Variants in PRKCB observed in about 807,000 individuals in gnomAD.
The protein encoded by PRKCB is protein kinase C beta type.
PRKCB carries 13 observed loss-of-function variants against 81.5 expected under a neutral mutation model. The observed-to-expected ratio is 0.16, with a 90% CI of 0.10 to 0.25. The LOEUF is 0.25. Among genes scored for constraint, PRKCB ranks in the 10% least tolerant of loss-of-function variants. The probability of loss-of-function intolerance (pLI) is 1.00; values close to 1 mark genes in which losing one functional copy is unlikely to be tolerated. For synonymous variants in PRKCB, 335 were observed against 321.4 expected, an observed-to-expected ratio of 1.04 and a Z score of -0.45; for missense variants, 509 against 875.7, an observed-to-expected ratio of 0.58 and a Z score of 5.29.
chr16:24,114,799 A>C (rs1966717435), intron 8 of PRKCB, among the ~76,000 whole-genome samples: 1 of 152,212 alleles, frequency 6.6e-6, no homozygotes, highest in South Asian at 2.1e-4. Context: ...ATAATAGCAT[A>C]GCTAAAATGA....
chr16:23,933,926 TTCA>T (rs1964019380), intron 2 of PRKCB, among the ~76,000 whole-genome samples: 5 of 118,282 alleles, frequency 4.2e-5, no homozygotes, highest in East Asian at 2.5e-4. Flanking sequence ...CATCCTTCCA[TTCA>T]TCCATCCATC....
At chr16:23,868,988 A>G (rs116765840) in intron 2 of PRKCB, 6,564 of 378,148 alleles carry the variant, frequency 0.017, 399 homozygotes, top group African/African-American at 0.13. Context: ...ATGCCGAAAT[A>G]GAAGTGAGGC....
Position 24,124,008 on chromosome 16 carries a change from T to G in PRKCB, c.1065+27T>G, listed in dbSNP as rs757243180. 3.7e-6 allele frequency: 6 copies of G among 1,613,046 alleles called. No homozygotes were observed. In the African/African-American group the frequency reaches 8.0e-5, roughly 22 times the overall value. The stretch of plus-strand genomic sequence containing the variant: ...TATGGTATGATTTGGTGGCTCCACC[T>G]GCTTTGGAAGGAACATCTAACAACA... On this transcript the variant is annotated intron_variant, in intron 9 of 16. Coordinates refer to ENST00000643927, the MANE Select transcript of PRKCB (RefSeq NM_002738.7).
intron 2 of PRKCB, among the ~76,000 whole-genome samples, chr16:23,847,356 CTAT>C (rs1567288238): frequency 3.8e-4 from 26 of 67,678 alleles, no homozygotes; most frequent in Admixed American, 1.0e-3. Flanking sequence ...ATCTATCTAT[CTAT>C]CTATCTATCT....
rs146329530 is a variant in PRKCB, at chr16:24,028,393, A to G, written c.289-3743A>G. On this transcript the variant is annotated intron_variant, in intron 3 of 16. Transcript: ENST00000643927. Reference sequence around the variant, plus strand: ...CATGAGCCACTGCTCCAGGCCACAAATTCACTTTTAAAAATATAAAGTAAA... The same window carrying G: ...CATGAGCCACTGCTCCAGGCCACAAGTTCACTTTTAAAAATATAAAGTAAA... 1.7e-3 allele frequency among the ~76,000 whole-genome samples: 263 copies of G among 152,320 alleles called. 1 individual carries two copies. The highest frequency in any genetic ancestry group is 5.9e-3 in the African/African-American group (246 of 41,584).
At chr16:24,151,228 A>G (rs1967076100) in intron 9 of PRKCB, among the ~76,000 whole-genome samples, 1 of 152,168 alleles carries the variant, frequency 6.6e-6, no homozygotes, top group Non-Finnish European at 1.5e-5. Flanking sequence ...TTTTCCTTTA[A>G]CAAGGAGAAG....
chr16:23,837,766 C>T lies in PRKCB; in HGVS notation c.205+360C>T, dbSNP rs546221445. Among the ~76,000 whole-genome samples the T allele has an allele frequency of 1.0e-3, 159 of 152,278 alleles. 1 individual carries two copies. The highest frequency in any genetic ancestry group is 1.7e-3 in the Non-Finnish European group (113 of 68,004). On this transcript the variant is annotated intron_variant, in intron 2 of 16. Transcript: ENST00000643927. ...GTCCTCCTTAGTTCCCCTTTCTCTGCCCATGTCCCTTCCTTATCTCACCCA... is the reference window on the plus strand; with the variant it reads ...GTCCTCCTTAGTTCCCCTTTCTCTGTCCATGTCCCTTCCTTATCTCACCCA...
At chr16:24,169,779 T>G (rs1233008745) in intron 10 of PRKCB, among the ~76,000 whole-genome samples, 1 of 152,088 alleles carries the variant, frequency 6.6e-6, no homozygotes, top group Non-Finnish European at 1.5e-5. Context: ...TATTTTTATT[T>G]ATTTATTTAT....
chr16:24,060,530 G>A (rs1348839450), intron 5 of PRKCB, among the ~76,000 whole-genome samples: 1 of 152,138 alleles, frequency 6.6e-6, no homozygotes, highest in Admixed American at 6.5e-5. Flanking sequence ...GTGCCACCAG[G>A]ATCCCTCTCT....
intron 9 of PRKCB, among the ~76,000 whole-genome samples, chr16:24,143,665 C>G (rs1322644007): frequency 6.6e-6 from 1 of 152,198 alleles, no homozygotes; most frequent in Non-Finnish European, 1.5e-5. Flanking sequence ...CCTCAGCTCA[C>G]CACACCTTAC....
chr16:24,072,574 T>C (rs1596536976), intron 5 of PRKCB, among the ~76,000 whole-genome samples: 1 of 150,104 alleles, frequency 6.7e-6, no homozygotes, highest in Non-Finnish European at 1.5e-5. Context: ...AACTCTCTCT[T>C]TCTCTCTCTC....
At chr16:23,847,850 G>A (rs1567288573) in intron 2 of PRKCB, among the ~76,000 whole-genome samples, 2 of 152,216 alleles carry the variant, frequency 1.3e-5, no homozygotes, top group Non-Finnish European at 2.9e-5. Context: ...AAGGAGAACA[G>A]CACATGGCCA....
rs1567311221 is a variant in PRKCB at position 23,911,825 on chromosome 16, C to CT, written c.205+74419_205+74420insT. ...CTTGTCCTGGGATATGCGCGACCCA[C>CT]ATTTTTTTTTTTTTTTTTTTTTTTT... On this transcript the variant is annotated intron_variant, in intron 2 of 16. Transcript: ENST00000643927. Among the ~76,000 whole-genome samples, 13 of 126,380 alleles carry CT rather than the reference C, an allele frequency of 1.0e-4. 1 individual carries two copies. Among genetic ancestry groups the CT allele is most frequent in the African/African-American group, 9.0e-5 (3 of 33,194 alleles). The allele number at this position is 126,380 out of a possible 152,430, so 82.9% of individuals were successfully genotyped here.
intron 5 of PRKCB, among the ~76,000 whole-genome samples, chr16:24,080,875 C>G (rs1266758746): frequency 6.6e-6 from 1 of 151,826 alleles, no homozygotes; most frequent in Non-Finnish European, 1.5e-5. Context: ...TAAATTCTAC[C>G]AACACTTAAA....
rs1015690753 is a variant in PRKCB, at chr16:23,886,452, G to A, written c.205+49046G>A. On this transcript the variant is annotated intron_variant, in intron 2 of 16. Coordinates refer to ENST00000643927, the MANE Select transcript of PRKCB (RefSeq NM_002738.7). ...TTTTTTGATGAAGTCTCACTCTGTCGCCCAGGCTGGAGTGCAATGGCATGA... is the reference window on the plus strand; with the variant it reads ...TTTTTTGATGAAGTCTCACTCTGTCACCCAGGCTGGAGTGCAATGGCATGA... 4.3e-5 allele frequency among the ~76,000 whole-genome samples: 5 copies of A among 115,572 alleles called. 1 individual carries two copies. The South Asian group carries it at 1.2e-3, about 27-fold the overall frequency. 75.8% of individuals were successfully genotyped at this position (115,572 alleles called of 152,430 possible).
rs145447176 is a variant in PRKCB at position 23,843,548 on chromosome 16, G to A, written c.205+6142G>A. ...CTTAAAAAGGAGGGCTGATTTGTTG[G>A]AGAGGCAACAACGAATTCATTTTTC... On this transcript the variant is annotated intron_variant, in intron 2 of 16. Transcript: ENST00000643927. Among the ~76,000 whole-genome samples the A allele has an allele frequency of 2.1e-3, 314 of 152,216 alleles. 6 individuals are homozygous for A. The highest frequency in any genetic ancestry group is 0.018 in the Admixed American group (269 of 15,278).
intron 2 of PRKCB, among the ~76,000 whole-genome samples, chr16:23,925,152 G>A (rs771618722): frequency 6.6e-5 from 10 of 152,112 alleles, no homozygotes; most frequent in Non-Finnish European, 1.5e-4. Flanking sequence ...ATGACTAGAA[G>A]AATGTTGAGA....
intron 2 of PRKCB, among the ~76,000 whole-genome samples, chr16:23,982,415 C>A (rs1251336808): frequency 6.8e-6 from 1 of 147,638 alleles, no homozygotes; most frequent in Non-Finnish European, 1.5e-5. Flanking sequence ...CCTTCCCCTT[C>A]TCTTCTCTTT....
At chr16:23,938,287 G>A (rs1964089328) in intron 2 of PRKCB, among the ~76,000 whole-genome samples, 1 of 152,180 alleles carries the variant, frequency 6.6e-6, no homozygotes, top group Non-Finnish European at 1.5e-5. Context: ...TGTCACTTAT[G>A]TGTGAAGGCA....
Sources: gnomAD v4.1 joint callset for allele counts (sites outside exome capture counted in the v4.1 genomes callset) on GRCh38, gnomAD v4.1.1 for gene constraint, MANE v1.5 for transcripts, NCBI Gene and HGNC (gene_info 2026-07-23, HGNC 2026-07-21) for gene names.